Variants in EML5 observed in about 807,000 individuals in gnomAD.
The protein encoded by EML5 is EMAP like 5.
EML5 carries 120 observed loss-of-function variants against 250.0 expected under a neutral mutation model. The observed-to-expected ratio is 0.48, with a 90% confidence interval of 0.41 to 0.56. EML5 has a LOEUF of 0.56. Ranked by LOEUF, EML5 falls within the 20% of genes least tolerant of loss-of-function variation. EML5 has a pLI of 0.00. For missense variants in EML5, 2,006 were observed against 2,437.6 expected (o/e 0.82, Z 3.73); for synonymous variants, 771 against 806.5 (o/e 0.96, Z 0.75).
rs774148487 is a variant in EML5, at chr14:88,621,093, A to T, written c.5202+20T>A. The T allele has an allele frequency of 2.1e-5, 34 of 1,600,224 alleles. No individual in the cohort carries two copies. The highest frequency in any genetic ancestry group is 2.7e-5 in the Non-Finnish European group (32 of 1,173,924). ...TTTTTAGAAGTTGTAACCTCTTTTAAAAAAATTATCTGTACTTACTTTATC... is the reference window on the plus strand; with the variant it reads ...TTTTTAGAAGTTGTAACCTCTTTTATAAAAATTATCTGTACTTACTTTATC... On this transcript the variant is annotated intron_variant, in intron 38 of 43. Transcript: ENST00000554922.
Position 88,712,292 on chromosome 14 carries a change from G to T in EML5, c.1636C>A (p.Arg546=), listed in dbSNP as rs146665879. ...ADDYGIIKLF[R]YPCLRKGAKF... Reference sequence around the variant, plus strand: ...GTACCTTTTCTTAAACATGGATATCGGAATAATTTTATAATTCCATAGTCA... The same window carrying T: ...GTACCTTTTCTTAAACATGGATATCTGAATAATTTTATAATTCCATAGTCA... Residue 546 remains arginine, a synonymous_variant, in exon 10 of 44, where the codon CGA becomes AGA. Transcript: ENST00000554922. 1 of 1,609,274 alleles carries T rather than the reference G, an allele frequency of 6.2e-7. No individual in the cohort carries two copies. Among genetic ancestry groups the T allele is most frequent in the African/African-American group, 1.3e-5 (1 of 74,880 alleles).
chr14:88,761,141 T>A lies in EML5; in HGVS notation c.198-6470A>T, dbSNP rs895660126. ...ACAATTTATTTCTTCCTTTTCTTTC[T>A]ATAAGCCTTTTTATTTCTTGTCTGA... On this transcript the variant is annotated intron_variant, in intron 1 of 43. Coordinates refer to ENST00000554922, the MANE Select transcript of EML5 (RefSeq NM_183387.3). 5.4e-4 allele frequency among the ~76,000 whole-genome samples: 82 copies of A among 152,210 alleles called. 1 individual carries two copies. The highest frequency in any genetic ancestry group is 5.3e-3 in the Admixed American group (81 of 15,264).
At chr14:88,709,354 A>G (rs1024581909) in intron 10 of EML5, among the ~76,000 whole-genome samples, 1 of 152,182 alleles carries the variant, frequency 6.6e-6, no homozygotes, top group Non-Finnish European at 1.5e-5. Context: ...AACTATAAAA[A>G]TTACAAAGCA....
At chr14:88,732,400 G>A (rs1487082598) in intron 7 of EML5, among the ~76,000 whole-genome samples, 2 of 151,990 alleles carry the variant, frequency 1.3e-5, no homozygotes, top group Admixed American at 6.6e-5. Flanking sequence ...ATTTCTGAGG[G>A]CTCTGTTCTG....
chr14:88,698,994 A>G (rs1490128019), intron 14 of EML5, among the ~76,000 whole-genome samples: 3 of 152,208 alleles, frequency 2.0e-5, no homozygotes. Flanking sequence ...GCCAGTAGCG[A>G]ATAAGTGGAA....
chr14:88,736,609 T>C, intron 6 of EML5, 44 bp from the exon 7 acceptor site: 2 of 1,583,858 alleles, frequency 1.3e-6, no homozygotes, highest in Non-Finnish European at 1.7e-6. Flanking sequence ...GCTGTAATAA[T>C]GATAGCAGCA....
rs940369965 is a variant in EML5, at chr14:88,657,356, A to G, written c.4004+20T>C. On this transcript the variant is annotated intron_variant, in intron 27 of 43. Coordinates refer to ENST00000554922, the MANE Select transcript of EML5 (RefSeq NM_183387.3). Reference sequence around the variant, plus strand: ...ATGACAATATCTTTTTCTTCATCTAATACTAAACTAAATTATTACCTTTCA... The same window carrying G: ...ATGACAATATCTTTTTCTTCATCTAGTACTAAACTAAATTATTACCTTTCA... 2 of 1,541,588 alleles carry G rather than the reference A, an allele frequency of 1.3e-6. No individual in the cohort carries two copies. Among genetic ancestry groups the G allele is most frequent in the African/African-American group, 2.8e-5 (2 of 72,434 alleles).
intron 1 of EML5, among the ~76,000 whole-genome samples, chr14:88,757,747 C>T (rs899967720): frequency 1.3e-5 from 2 of 152,050 alleles, no homozygotes; most frequent in Non-Finnish European, 2.9e-5. Flanking sequence ...AAATACAAAT[C>T]AAAAATCACA....
rs1373389400 is a variant in EML5, at chr14:88,612,782, CAG to C, written c.*3034_*3035del. ...AACTTTTGGCCTACTGTATTACTTA[CAG>C]AGTTTTTTTGTGTGTGGTTTTTAAA... On this transcript the variant is annotated 3_prime_UTR_variant, in exon 44 of 44. Coordinates refer to ENST00000554922, the MANE Select transcript of EML5 (RefSeq NM_183387.3). The C allele has an allele frequency of 4.0e-5, 6 of 148,896 alleles. No individual in the cohort carries two copies. The highest frequency in any genetic ancestry group is 4.2e-4 in the South Asian group (2 of 4,812). The allele number at this position is 148,896 out of a possible 1,614,324, so 9.2% of individuals were successfully genotyped here.
rs146571412 is a variant in EML5, at chr14:88,736,008, T to C, written c.1049+356A>G. Among the ~76,000 whole-genome samples the C allele has an allele frequency of 3.9e-3, 583 of 150,236 alleles. 1 individual carries two copies. The highest frequency in any genetic ancestry group is 6.3e-3 in the Non-Finnish European group (423 of 67,458). The stretch of plus-strand genomic sequence containing the variant: ...AATCGGAGTATTTTTTCTTTCTTTT[T>C]TTTTTTTTTTTGAGATGGAGTCTCA... On this transcript the variant is annotated intron_variant, in intron 7 of 43. Coordinates refer to ENST00000554922, the MANE Select transcript of EML5 (RefSeq NM_183387.3).
chr14:88,709,922 G>T (rs909236406), intron 10 of EML5, among the ~76,000 whole-genome samples: 4 of 152,164 alleles, frequency 2.6e-5, no homozygotes, highest in East Asian at 1.9e-4. Context: ...TAGATATTTG[G>T]TTTTTCCTAT....
intron 1 of EML5, among the ~76,000 whole-genome samples, chr14:88,758,200 A>ATT (rs34468045): frequency 1.3e-5 from 2 of 149,162 alleles, no homozygotes; most frequent in Non-Finnish European, 3.0e-5. Flanking sequence ...ATGTGTATTT[A>ATT]TTTTTTTTTG....
chr14:88,742,159 C>A (rs1175086233), intron 4 of EML5, among the ~76,000 whole-genome samples: 1 of 151,904 alleles, frequency 6.6e-6, no homozygotes, highest in East Asian at 1.9e-4. Context: ...GCCCAGGTAC[C>A]CAAATTATTT....
intron 1 of EML5, among the ~76,000 whole-genome samples, chr14:88,757,533 C>A (rs2094177480): frequency 6.6e-6 from 1 of 151,708 alleles, no homozygotes; most frequent in South Asian, 2.1e-4. Flanking sequence ...AGTAATGCAA[C>A]CCAGAGAATG....
chr14:88,623,338 A>C (rs1437375226), intron 36 of EML5: 1 of 151,958 alleles, frequency 6.6e-6, no homozygotes, highest in African/African-American at 2.4e-5. Flanking sequence ...CTTGATTAGG[A>C]AGATGTAAAA....
At chr14:88,674,550 C>T (rs1414351294) in intron 21 of EML5, among the ~76,000 whole-genome samples, 1 of 152,160 alleles carries the variant, frequency 6.6e-6, no homozygotes, top group Admixed American at 6.5e-5. Context: ...AATTACCTCC[C>T]ACCAAGTCCC....
chr14:88,754,531 G>A lies in EML5; in HGVS notation c.338C>T (p.Ala113Val), dbSNP rs758386364. The A allele has an allele frequency of 1.0e-5, 16 of 1,603,798 alleles. No homozygotes were observed. Among genetic ancestry groups the A allele is most frequent in the Admixed American group, 1.7e-5 (1 of 58,228 alleles). The change falls in exon 2 of 44, where the codon GCG becomes GTG. Residue 113 changes from alanine (A) to valine (V), a missense_variant. This residue lies in a region of EML5 where 162 missense variants were observed against 212.2 expected (regional missense o/e 0.76). Transcript: ENST00000554922. ...ACATACCTGTCCATCTAAGTCAAAC[G>A]CCAAGCAAGCTATACCATGTGTATG... ...DVHTHGIACL[A>V]FDLDGQRLVS...
chr14:88,674,889 A>AG (rs1236174901), intron 21 of EML5, among the ~76,000 whole-genome samples: 1 of 152,224 alleles, frequency 6.6e-6, no homozygotes, highest in African/African-American at 2.4e-5. Context: ...AAGGGGTTAC[A>AG]GGCCCCATTC....
chr14:88,617,143 AT>A (rs1242175306), intron 41 of EML5: 2 of 264,188 alleles, frequency 7.6e-6, no homozygotes, highest in East Asian at 6.7e-5. Context: ...TGATAGAACT[AT>A]TTTTTCTTTT....
Sources: allele counts gnomAD v4.1 joint callset (sites outside exome capture counted in the v4.1 genomes callset), GRCh38; gene constraint gnomAD v4.1.1; regional missense constraint gnomAD v4.1.1; transcripts MANE v1.5; gene names NCBI Gene and HGNC (gene_info 2026-07-23, HGNC 2026-07-21).